The following CLCN5 variants were observed in gnomAD, a reference collection of about 807,000 sequenced individuals.
The protein encoded by CLCN5 is Cl-/H+ antiporter 5.
Under a neutral mutation model 54.0 loss-of-function variants are expected in CLCN5, and 17 were observed. The ratio of observed to expected loss-of-function variants is 0.31; its 90% confidence interval spans 0.22 to 0.47. CLCN5 has a LOEUF of 0.47. CLCN5 is among the 20% of genes least tolerant of loss of function. The pLI, the probability that CLCN5 is intolerant of heterozygous loss-of-function variation, is 1.00. For missense variants in CLCN5, 448 were observed against 646.7 expected, an observed-to-expected ratio of 0.69 and a Z score of 3.33; for synonymous variants, 222 against 233.0, an observed-to-expected ratio of 0.95 and a Z score of 0.43.
intron 5 of CLCN5, 144 bp downstream of exon 5, chrX:50,070,174 A>T: frequency 1.6e-5 from 9 of 557,123 alleles, no homozygotes; most frequent in Non-Finnish European, 2.5e-5. Flanking sequence ...TTTCATTTTT[A>T]AATTTATTTT....
At chrX:50,044,799 G>A (rs1233030553) in intron 4 of CLCN5, among the ~76,000 whole-genome samples, 4 of 110,986 alleles carry the variant, frequency 3.6e-5, no homozygotes, top group African/African-American at 1.3e-4. Context: ...TCTTACAGTC[G>A]GGCCTTGAAT....
chrX:49,961,921 T>G (rs1394173922), intron 3 of CLCN5, among the ~76,000 whole-genome samples: 3 of 112,077 alleles, frequency 2.7e-5, no homozygotes, highest in Non-Finnish European at 5.6e-5. Flanking sequence ...TTTAAGTGAT[T>G]CTCCAGAAAA....
chrX:49,970,012 C>A (rs1398531839), intron 3 of CLCN5, among the ~76,000 whole-genome samples: 7 of 111,320 alleles, frequency 6.3e-5, no homozygotes, highest in African/African-American at 2.3e-4. Flanking sequence ...CTTTTTTATT[C>A]ATGGTAACAG....
intron 3 of CLCN5, among the ~76,000 whole-genome samples, chrX:49,999,812 C>T (rs1251190137): frequency 3.6e-5 from 4 of 111,988 alleles, no homozygotes; most frequent in Admixed American, 9.4e-5. Flanking sequence ...TGTGCTACAA[C>T]GAATACATTT....
intron 3 of CLCN5, among the ~76,000 whole-genome samples, chrX:49,983,638 A>G (rs1928851121): frequency 9.3e-6 from 1 of 107,999 alleles, no homozygotes; most frequent in Non-Finnish European, 1.9e-5. Flanking sequence ...GAGATATATT[A>G]AAATATATTA....
At chrX:49,999,320 A>G (rs1395247823) in intron 3 of CLCN5, among the ~76,000 whole-genome samples, 2 of 110,756 alleles carry the variant, frequency 1.8e-5, no homozygotes, top group African/African-American at 3.3e-5. Flanking sequence ...CAGATGTGCA[A>G]GCTTTCTGAG....
intron 3 of CLCN5, among the ~76,000 whole-genome samples, chrX:49,927,205 CTG>C (rs1925392283): frequency 2.7e-5 from 3 of 111,770 alleles, no homozygotes; most frequent in Non-Finnish European, 3.8e-5. Context: ...ATTTTTTTCT[CTG>C]TAGTTAATGG....
At chrX:50,038,297 T>G (rs1449883832) in intron 3 of CLCN5, among the ~76,000 whole-genome samples, 1 of 111,845 alleles carries the variant, frequency 8.9e-6, no homozygotes, top group Non-Finnish European at 1.9e-5. Context: ...TTACTTAGTG[T>G]CAAAGTACCT....
At chrX:50,065,330 C>A (rs1369035053) in intron 4 of CLCN5, among the ~76,000 whole-genome samples, 1 of 81,693 alleles carries the variant, frequency 1.2e-5, no homozygotes, top group African/African-American at 4.6e-5. Flanking sequence ...AAACAAACAA[C>A]CCCATCAAAA....
At chrX:50,053,662 T>A (rs782603236) in intron 4 of CLCN5, among the ~76,000 whole-genome samples, 18 of 111,885 alleles carry the variant, frequency 1.6e-4, no homozygotes, top group South Asian at 1.1e-3. Context: ...AATTTCCCTC[T>A]AAGCACTGAT....
At chrX:50,065,249 C>T (rs1230075277) in intron 4 of CLCN5, among the ~76,000 whole-genome samples, 5 of 91,198 alleles carry the variant, frequency 5.5e-5, no homozygotes, top group South Asian at 6.2e-4. Flanking sequence ...AGAAAATTTT[C>T]GCAACCTACT....
chrX:50,066,163 TA>T (rs11393952), intron 4 of CLCN5, among the ~76,000 whole-genome samples: 13,679 of 45,054 alleles, frequency 0.3, 1,169 homozygotes, highest in Admixed American at 0.42. Flanking sequence ...AAAGTATAAT[TA>T]AAAAAAAAAA....
intron 4 of CLCN5, among the ~76,000 whole-genome samples, chrX:50,067,089 G>T (rs1004541363): frequency 6.3e-5 from 7 of 110,745 alleles, no homozygotes; most frequent in Middle Eastern, 4.6e-3. Context: ...CTTTACTTTT[G>T]CCATTTCCTT....
intron 3 of CLCN5, among the ~76,000 whole-genome samples, chrX:49,999,752 A>G (rs1165872569): frequency 9.0e-6 from 1 of 111,553 alleles, no homozygotes; most frequent in Admixed American, 9.5e-5. Flanking sequence ...TCTTTTCACT[A>G]TAGTTGGTGT....
intron 3 of CLCN5, among the ~76,000 whole-genome samples, chrX:50,007,569 A>G (rs1557181700): frequency 9.1e-6 from 1 of 109,731 alleles, no homozygotes; most frequent in Admixed American, 9.8e-5. Flanking sequence ...AACCTCATCA[A>G]CTCACACGTG....
chrX:49,999,784 G>A (rs1244008844), intron 3 of CLCN5, among the ~76,000 whole-genome samples: 3 of 111,520 alleles, frequency 2.7e-5, no homozygotes, highest in Non-Finnish European at 3.8e-5. Flanking sequence ...TGATACCTGC[G>A]GAATAGAATA....
rs139683151 is a variant in CLCN5 at position 49,929,535 on chromosome X, A to G, written c.16+4221A>G. 7.0e-3 allele frequency among the ~76,000 whole-genome samples: 784 copies of G among 112,152 alleles called. 11 individuals carry two copies. Among genetic ancestry groups the G allele is most frequent in the African/African-American group, 0.025 (763 of 30,867 alleles). Reference sequence around the variant, plus strand: ...GGAACTTAAGAACCAGGATAAAGGTAGCACTTCAAATTAATGAAATGATTT... The same window carrying G: ...GGAACTTAAGAACCAGGATAAAGGTGGCACTTCAAATTAATGAAATGATTT... On this transcript the variant is annotated intron_variant, in intron 3 of 14. Transcript: ENST00000376091.
chrX:50,079,663 T>C (rs1269257193), intron 7 of CLCN5, among the ~76,000 whole-genome samples: 9 of 111,744 alleles, frequency 8.1e-5, no homozygotes, highest in African/African-American at 2.6e-4. Flanking sequence ...CAAAACTTTC[T>C]ACTTATATGG....
intron 4 of CLCN5, among the ~76,000 whole-genome samples, chrX:50,046,140 G>A (rs1369161882): frequency 4.4e-5 from 5 of 112,368 alleles, no homozygotes; most frequent in African/African-American, 1.6e-4. Flanking sequence ...ATAGAGATGT[G>A]AAAGAAGGTG....
Sources: gnomAD v4.1 joint callset for allele counts (sites outside exome capture counted in the v4.1 genomes callset) on GRCh38, gnomAD v4.1.1 for gene constraint, MANE v1.5 for transcripts, NCBI Gene and HGNC (gene_info 2026-07-23, HGNC 2026-07-21) for gene names.